Variants in PPP2R2B observed in about 807,000 individuals in gnomAD.
PPP2R2B encodes the protein serine/threonine-protein phosphatase 2A 55 kDa regulatory subunit B beta isoform.
Under a neutral mutation model 46.0 loss-of-function variants are expected in PPP2R2B, and 5 were observed. The ratio of observed to expected loss-of-function variants is 0.11; its 90% CI spans 0.06 to 0.23. The LOEUF is 0.23. PPP2R2B is among the 10% of genes least tolerant of loss of function. PPP2R2B has a pLI of 1.00. For missense variants in PPP2R2B, 367 were observed against 575.0 expected (o/e 0.64, Z 3.70); for synonymous variants, 215 against 206.7 (o/e 1.04, Z -0.34).
chr5:146,684,734 T>C (rs1375281519), intron 5 of PPP2R2B, among the ~76,000 whole-genome samples: 5 of 152,236 alleles, frequency 3.3e-5, no homozygotes, highest in South Asian at 4.1e-4. Context: ...TTATCTTCTG[T>C]GCTTTTCTCA....
At chr5:146,965,618 C>T (rs1224710903) in intron 1 of PPP2R2B, among the ~76,000 whole-genome samples, 1 of 152,188 alleles carries the variant, frequency 6.6e-6, no homozygotes, top group African/African-American at 2.4e-5. Context: ...GCAGAAGTGT[C>T]GCTGGCCCCG....
intron 1 of PPP2R2B, among the ~76,000 whole-genome samples, chr5:146,903,967 T>C (rs1762920939): frequency 6.6e-6 from 1 of 152,160 alleles, no homozygotes; most frequent in African/African-American, 2.4e-5. Context: ...TAATGATCAT[T>C]ATATTGTCAT....
intron 2 of PPP2R2B, among the ~76,000 whole-genome samples, chr5:146,756,362 T>C (rs1162550548): frequency 6.6e-6 from 1 of 152,204 alleles, no homozygotes; most frequent in Admixed American, 6.5e-5. Context: ...CTGGTTTTCC[T>C]TTCATATGGA....
At chr5:147,075,019 T>A (rs1225824215) in intron 2 of PPP2R2B, among the ~76,000 whole-genome samples, 1 of 152,132 alleles carries the variant, frequency 6.6e-6, no homozygotes, top group African/African-American at 2.4e-5. Context: ...ACCCTAGAAT[T>A]GCAGTATCAG....
chr5:146,615,502 TAA>T (rs533328196), intron 7 of PPP2R2B, among the ~76,000 whole-genome samples: 1 of 44,926 alleles, frequency 2.2e-5, no homozygotes, highest in African/African-American at 7.8e-5. Context: ...TAGAGTATAA[TAA>T]AAAAAAAAAT....
rs1020864378 is a variant in PPP2R2B at position 146,608,960 on chromosome 5, C to T, written c.791-8500G>A. Among the ~76,000 whole-genome samples, 102 of 152,224 alleles carry T rather than the reference C, an allele frequency of 6.7e-4. 1 individual carries two copies. Among genetic ancestry groups the T allele is most frequent in the African/African-American group, 2.3e-3 (97 of 41,526 alleles). The stretch of plus-strand genomic sequence containing the variant: ...GCCAGTATTACCCTGATACCAAAAC[C>T]GGACAAAGATATATCAAGAGAACTA... On this transcript the variant is annotated intron_variant, in intron 7 of 9. Coordinates refer to ENST00000394411, the MANE Select transcript of PPP2R2B (RefSeq NM_181675.4).
chr5:146,659,288 C>T (rs371998334), intron 5 of PPP2R2B, among the ~76,000 whole-genome samples: 45 of 152,182 alleles, frequency 3.0e-4, no homozygotes, highest in African/African-American at 9.9e-4. Flanking sequence ...AATTATTTAA[C>T]ATTACAATGG....
chr5:146,959,719 G>A (rs1367537443), intron 1 of PPP2R2B, among the ~76,000 whole-genome samples: 3 of 152,144 alleles, frequency 2.0e-5, no homozygotes, highest in Non-Finnish European at 4.4e-5. Flanking sequence ...CAAGGGAAGA[G>A]GAGGATGGGA....
intron 2 of PPP2R2B, among the ~76,000 whole-genome samples, chr5:146,716,788 A>G (rs1243353236): frequency 6.6e-6 from 1 of 152,134 alleles, no homozygotes; most frequent in Non-Finnish European, 1.5e-5. Flanking sequence ...TACATTTAAA[A>G]CTTCACTAAC....
intron 1 of PPP2R2B, among the ~76,000 whole-genome samples, chr5:147,052,571 A>C (rs555810029): frequency 1.3e-5 from 2 of 152,288 alleles, no homozygotes; most frequent in South Asian, 4.1e-4. Context: ...GGTTGGAATT[A>C]ACAAGGCAAT....
At chr5:146,771,872 T>G (rs1200844887) in intron 2 of PPP2R2B, among the ~76,000 whole-genome samples, 5 of 152,116 alleles carry the variant, frequency 3.3e-5, no homozygotes, top group Non-Finnish European at 7.4e-5. Flanking sequence ...TATTCCATGC[T>G]CTTTTCACTT....
At chr5:147,049,066 G>T (rs1419551227) in intron 1 of PPP2R2B, among the ~76,000 whole-genome samples, 1 of 150,696 alleles carries the variant, frequency 6.6e-6, no homozygotes, top group Admixed American at 6.7e-5. Flanking sequence ...GGCAGAGAGA[G>T]AGAGAAATCG....
At chr5:146,967,062 G>A (rs998167260) in intron 1 of PPP2R2B, among the ~76,000 whole-genome samples, 2 of 152,184 alleles carry the variant, frequency 1.3e-5, no homozygotes, top group Non-Finnish European at 2.9e-5. Flanking sequence ...TCTCATAGAA[G>A]TGAAGCAATT....
At chr5:146,631,283 A>G (rs1037551880) in intron 7 of PPP2R2B, among the ~76,000 whole-genome samples, 26 of 152,212 alleles carry the variant, frequency 1.7e-4, no homozygotes, top group African/African-American at 6.3e-4. Context: ...TAAAACAACA[A>G]CCTTGGAGAG....
rs535538696 is a variant in PPP2R2B at position 146,990,298 on chromosome 5, G to C, written c.79+65367C>G. Among the ~76,000 whole-genome samples the C allele has an allele frequency of 2.9e-3, 441 of 152,016 alleles. 1 individual carries two copies. The highest frequency in any genetic ancestry group is 0.01 in the Middle Eastern group (3 of 294). Reference sequence around the variant, plus strand: ...ATAAATTTTGAGCAAAAGCAACAAAGCTGCAAGCATTACACTACCTGACTT... The same window carrying C: ...ATAAATTTTGAGCAAAAGCAACAAACCTGCAAGCATTACACTACCTGACTT... On this transcript the variant is annotated intron_variant, in intron 1 of 8. Coordinates refer to the PPP2R2B transcript ENST00000336640.
intron 2 of PPP2R2B, among the ~76,000 whole-genome samples, chr5:146,780,574 C>G (rs754108374): frequency 6.6e-6 from 1 of 152,186 alleles, no homozygotes; most frequent in Non-Finnish European, 1.5e-5. Context: ...GGCATATTCC[C>G]CTTTCCAGCC....
chr5:147,055,803 C>A (rs1240934633), exon 1 of PPP2R2B: 3 of 1,549,016 alleles, frequency 1.9e-6, no homozygotes, highest in Non-Finnish European at 2.6e-6. Context: ...CATAAGGATT[C>A]TCTCGGCCTT....
rs573296571 is a variant in PPP2R2B at position 146,941,072 on chromosome 5, GTCT to G, written c.79+114590_79+114592del. ...GAAGGAATGAGTTTCCTGGAGACTTGTCTTCTTTGTTCTCAAGATTACCAAAGG... is the reference window on the plus strand; with the variant it reads ...GAAGGAATGAGTTTCCTGGAGACTTGTCTTTGTTCTCAAGATTACCAAAGG... On this transcript the variant is annotated intron_variant, in intron 1 of 8. Coordinates refer to the PPP2R2B transcript ENST00000336640. 8.2e-4 allele frequency among the ~76,000 whole-genome samples: 125 copies of G among 152,186 alleles called. 2 individuals carry two copies. The highest frequency in any genetic ancestry group is 2.9e-3 in the African/African-American group (119 of 41,544).
intron 4 of PPP2R2B, among the ~76,000 whole-genome samples, chr5:146,691,863 T>C (rs978366021): frequency 5.9e-5 from 9 of 152,304 alleles, no homozygotes; most frequent in Non-Finnish European, 1.2e-4. Flanking sequence ...TGGAAAGTCC[T>C]TTACCCTCTT....
Sources: gnomAD v4.1 joint callset for allele counts (sites outside exome capture counted in the v4.1 genomes callset) on GRCh38, gnomAD v4.1.1 for gene constraint, MANE v1.5 for transcripts, NCBI Gene and HGNC (gene_info 2026-07-23, HGNC 2026-07-21) for gene names.